Variants in GFRA1 observed in about 807,000 individuals in gnomAD.
GFRA1 encodes GDNF family receptor alpha-1.
A neutral mutation model predicts 51.6 loss-of-function variants in GFRA1; 16 were observed. That is an observed-to-expected ratio of 0.31 (90% confidence interval 0.21 to 0.47). The LOEUF (loss-of-function observed/expected upper bound fraction) is 0.47. GFRA1 is among the 20% of genes least tolerant of loss of function. GFRA1 has a pLI of 1.00. For missense variants in GFRA1, 530 were observed against 594.3 expected, an observed-to-expected ratio of 0.89 and a Z score of 1.13; for synonymous variants, 270 against 241.3, an observed-to-expected ratio of 1.12 and a Z score of -1.10.
chr10:116,142,012 A>G (rs1958591847), intron 5 of GFRA1, among the ~76,000 whole-genome samples: 1 of 152,184 alleles, frequency 6.6e-6, no homozygotes, highest in Non-Finnish European at 1.5e-5. Context: ...TGAAGTTTGA[A>G]AGGAAAGCTT....
intron 5 of GFRA1, among the ~76,000 whole-genome samples, chr10:116,197,242 G>A (rs1963956509): frequency 6.6e-6 from 1 of 151,968 alleles, no homozygotes; most frequent in Admixed American, 6.6e-5. Flanking sequence ...TGAGATTAGG[G>A]CCCTTAGGAC....
At chr10:116,111,513 T>C (rs1328738552) in intron 6 of GFRA1, among the ~76,000 whole-genome samples, 3 of 152,202 alleles carry the variant, frequency 2.0e-5, no homozygotes, top group African/African-American at 7.2e-5. Flanking sequence ...TGGGCTGCGA[T>C]GCGCCCTCTG....
At chr10:116,247,021 A>G (rs980877790) in intron 4 of GFRA1, among the ~76,000 whole-genome samples, 2 of 152,226 alleles carry the variant, frequency 1.3e-5, no homozygotes, top group Non-Finnish European at 2.9e-5. Flanking sequence ...AGCATGAACA[A>G]CAGCTCTGCC....
chr10:116,156,950 T>G (rs558057063), intron 5 of GFRA1, among the ~76,000 whole-genome samples: 2 of 152,318 alleles, frequency 1.3e-5, no homozygotes, highest in East Asian at 3.9e-4. Context: ...CAGCTAATTA[T>G]AACTAGCTAC....
rs137995378 is a variant in GFRA1 at position 116,096,602 on chromosome 10, G to A, written c.880+53C>T. Reference sequence around the variant, plus strand: ...ATCAGCAAGGCGCAATGGAAAGAACGCAGGTATATGCAAACCACACTCTTC... The same window carrying A: ...ATCAGCAAGGCGCAATGGAAAGAACACAGGTATATGCAAACCACACTCTTC... On this transcript the variant is annotated intron_variant, in intron 7 of 10. Transcript: ENST00000355422. The A allele has an allele frequency of 7.9e-5, 75 of 944,492 alleles. No individual in the cohort carries two copies. In the East Asian group the frequency reaches 1.6e-3, roughly 20 times the overall value. 58.5% of individuals were successfully genotyped at this position (944,492 alleles called of 1,614,324 possible).
chr10:116,254,324 A>AAAAG (rs1308889312), intron 4 of GFRA1, among the ~76,000 whole-genome samples: 6 of 150,290 alleles, frequency 4.0e-5, no homozygotes, highest in African/African-American at 1.5e-4. Context: ...TCTGTCAAAA[A>AAAAG]AAAAAAAAAA....
At chr10:116,167,272 C>T (rs1367725597) in intron 5 of GFRA1, among the ~76,000 whole-genome samples, 1 of 152,134 alleles carries the variant, frequency 6.6e-6, no homozygotes, top group Non-Finnish European at 1.5e-5. Context: ...TCAAACTTAT[C>T]CTCCCATCGC....
chr10:116,115,349 AG>A (rs1957372147), intron 6 of GFRA1, among the ~76,000 whole-genome samples: 1 of 151,936 alleles, frequency 6.6e-6, no homozygotes, highest in Admixed American at 6.6e-5. Context: ...GGGGAGGCCG[AG>A]GGAAGAGGTG....
Position 116,182,339 on chromosome 10 carries a change from C to T in GFRA1, c.433+29292G>A, listed in dbSNP as rs377692785. Among the ~76,000 whole-genome samples the T allele has an allele frequency of 2.6e-4, 39 of 152,298 alleles. No homozygotes were observed. In the South Asian group the frequency reaches 7.9e-3, roughly 31 times the overall value. On this transcript the variant is annotated intron_variant, in intron 5 of 10. Coordinates refer to ENST00000355422, the MANE Select transcript of GFRA1 (RefSeq NM_005264.8). ...TTGTCCAGAAACCATACAAAGAAAA[C>T]ATGTATTGCATATTTAGTTAAGAGC...
intron 5 of GFRA1, among the ~76,000 whole-genome samples, chr10:116,166,159 T>C (rs907442396): frequency 6.6e-5 from 10 of 152,234 alleles, no homozygotes; most frequent in African/African-American, 2.4e-4. Context: ...TAATATTCCA[T>C]GGTATATGTG....
intron 5 of GFRA1, 24 bp from the exon 6 acceptor site, chr10:116,125,581 C>T (rs377230574): frequency 1.3e-6 from 2 of 1,580,270 alleles, no homozygotes; most frequent in Non-Finnish European, 1.7e-6. Flanking sequence ...GAAAGACAGG[C>T]ATGGTCACAG....
intron 8 of GFRA1, among the ~76,000 whole-genome samples, chr10:116,091,289 T>C (rs1196319158): frequency 6.6e-6 from 1 of 152,182 alleles, no homozygotes; most frequent in Admixed American, 6.5e-5. Context: ...CACACAGTAG[T>C]GAACAACAAC....
rs1589919775 is a variant in GFRA1 at position 116,259,790 on chromosome 10, C to G, written c.418+9713G>C. On this transcript the variant is annotated intron_variant, in intron 4 of 10. Transcript: ENST00000355422. Reference sequence around the variant, plus strand: ...AACAAGAAGTGAATCTAAGCTCTTCCAGGTATCAGCTGTGTGGCCTTAAGA... The same window carrying G: ...AACAAGAAGTGAATCTAAGCTCTTCGAGGTATCAGCTGTGTGGCCTTAAGA... Among the ~76,000 whole-genome samples, 7 of 152,288 alleles carry G rather than the reference C, an allele frequency of 4.6e-5. No individual in the cohort carries two copies. The South Asian group carries it at 1.5e-3, about 32-fold the overall frequency.
At chr10:116,114,887 TCA>T (rs1222017261) in intron 6 of GFRA1, among the ~76,000 whole-genome samples, 1 of 152,186 alleles carries the variant, frequency 6.6e-6, no homozygotes, top group Non-Finnish European at 1.5e-5. Flanking sequence ...CATTTAGTCC[TCA>T]CTGCATCCCT....
chr10:116,221,339 A>C (rs1282145133), intron 4 of GFRA1, among the ~76,000 whole-genome samples: 1 of 152,180 alleles, frequency 6.6e-6, no homozygotes, highest in Admixed American at 6.5e-5. Context: ...TGAATACACC[A>C]TTGATAGACG....
At chr10:116,254,344 G>GAAAGA (rs1968649845) in intron 4 of GFRA1, among the ~76,000 whole-genome samples, 3 of 143,322 alleles carry the variant, frequency 2.1e-5, no homozygotes, top group East Asian at 4.1e-4. Flanking sequence ...AAGAAAGAAA[G>GAAAGA]AAAGAAAAGA....
intron 9 of GFRA1, among the ~76,000 whole-genome samples, chr10:116,074,887 A>C (rs1955549104): frequency 6.6e-6 from 1 of 152,234 alleles, no homozygotes; most frequent in South Asian, 2.1e-4. Context: ...ATAAAAGGTC[A>C]GTAGGGGATA....
chr10:116,201,995 G>C (rs996724963), intron 5 of GFRA1, among the ~76,000 whole-genome samples: 3 of 152,132 alleles, frequency 2.0e-5, no homozygotes, highest in East Asian at 1.9e-4. Context: ...ACGAACATAC[G>C]AGAAGCATGT....
intron 5 of GFRA1, among the ~76,000 whole-genome samples, chr10:116,205,928 A>ACT (rs1188563475): frequency 1.2e-5 from 1 of 85,486 alleles, no homozygotes; most frequent in Non-Finnish European, 2.3e-5. Flanking sequence ...TCCTCATATC[A>ACT]CACACACACA....
Sources: allele counts gnomAD v4.1 joint callset (sites outside exome capture counted in the v4.1 genomes callset), GRCh38; gene constraint gnomAD v4.1.1; transcripts MANE v1.5; gene names NCBI Gene and HGNC (gene_info 2026-07-23, HGNC 2026-07-21).